Variants in THAP6 observed in about 807,000 individuals in gnomAD.
The protein encoded by THAP6 is THAP domain containing 6.
THAP6 carries 13 observed loss-of-function variants against 20.0 expected under a neutral mutation model. That is an observed-to-expected ratio of 0.65 (90% CI 0.42 to 1.03). The LOEUF (loss-of-function observed/expected upper bound fraction) is 1.03. Among genes scored for constraint, THAP6 ranks in the 50% least tolerant of loss-of-function variants. THAP6 has a pLI of 0.00. For missense variants in THAP6, 262 were observed against 261.6 expected (o/e 1.00, Z -0.01); for synonymous variants, 93 against 92.2 (o/e 1.01, Z -0.05).
At chr4:75,540,451 T>G (rs1444261348) in intron 2 of THAP6, among the ~76,000 whole-genome samples, 2 of 152,228 alleles carry the variant, frequency 1.3e-5, no homozygotes, top group Non-Finnish European at 2.9e-5. Flanking sequence ...ATCCTTGAAC[T>G]CACCTGAGCT....
At position 75,541,607 on chromosome 4, in the gene THAP6, T is replaced by C. The variant is rs555759517; in HGVS notation, c.166-802T>C. ...GATGAAGGGAGGGAGGAAAGGAGAATAAAAAAAGGAAAGAAGGGAGGAAAA... is the reference window on the plus strand; with the variant it reads ...GATGAAGGGAGGGAGGAAAGGAGAACAAAAAAAGGAAAGAAGGGAGGAAAA... On this transcript the variant is annotated intron_variant, in intron 2 of 4. Transcript: ENST00000502620. Among the ~76,000 whole-genome samples, 13 of 150,454 alleles carry C rather than the reference T, an allele frequency of 8.6e-5. No individual in the cohort carries two copies. In the East Asian group the frequency reaches 1.2e-3, roughly 14 times the overall value.
chr4:75,543,084 T>C (rs1727050231), intron 3 of THAP6: 1 of 152,354 alleles, frequency 6.6e-6, no homozygotes, highest in Non-Finnish European at 1.5e-5. Flanking sequence ...CTGGTTTCTC[T>C]CAGCTCTCAG....
rs146466349 is a variant in THAP6, at chr4:75,516,966, C to T, written c.275C>T (p.Pro92Leu). The change falls in exon 3 of 5, where the codon CCA becomes CTA. Residue 92 changes from proline (P) to leucine (L), a missense_variant. Pro to Leu is a moderately conservative substitution (Grantham distance 98, BLOSUM62 -3). Coordinates refer to ENST00000311638, the MANE Select transcript of THAP6 (RefSeq NM_144721.6). ...PGVIPSIFDS[P>L]YHLQGKREKL... is the part of the protein sequence containing the mutation. Reference sequence around the variant, plus strand: ...GTCATACCTTCTATCTTTGATTCTCCATATCACCTACAGGTTTGTTTATGA... The same window carrying T: ...GTCATACCTTCTATCTTTGATTCTCTATATCACCTACAGGTTTGTTTATGA... 2.2e-5 allele frequency: 36 copies of T among 1,608,324 alleles called. No individual in the cohort carries two copies. The African/African-American group carries it at 4.3e-4, about 19-fold the overall frequency.
intron 2 of THAP6, chr4:75,542,302 A>G (rs1727025942): frequency 1.6e-6 from 1 of 615,332 alleles, no homozygotes; most frequent in Admixed American, 2.6e-5. Context: ...TCAGAAAACT[A>G]AAGAACGTGA....
At chr4:75,532,033 C>T (rs948419001), downstream of THAP6, among the ~76,000 whole-genome samples, 6 of 152,168 alleles carry the variant, frequency 3.9e-5, no homozygotes, top group Non-Finnish European at 8.8e-5. Context: ...CCAATCATGC[C>T]TTTCCAACAG....
chr4:75,526,964 A>C lies in THAP6; in HGVS notation c.419A>C (p.His140Pro), dbSNP rs144642753. The C allele has an allele frequency of 1.3e-3, 2,081 of 1,612,324 alleles. 1 individual carries two copies. Among genetic ancestry groups the C allele is most frequent in the Non-Finnish European group, 1.6e-3 (1,859 of 1,178,900 alleles). ...ACTTGGTGTTTATGTTTTTAGGAAC[A>C]TAGCTACAGTGTAATGGACAGTCCA... ...EEFQSQFIFE[H>P]SYSVMDSPKK... The change falls in exon 5 of 5, where the codon CAT becomes CCT. Residue 140 changes from histidine to proline, a missense_variant. His to Pro is a moderately conservative substitution (Grantham distance 77). Transcript: ENST00000311638.
At chr4:75,513,978 AAGAAGGGTT>A, upstream of THAP6, 1 of 587,474 alleles carries the variant, frequency 1.7e-6, no homozygotes, top group Non-Finnish European at 2.8e-6. Context: ...ATCACTTCCC[AAGAAGGGTT>A]TTGCTTTAAA....
rs149347484 is a variant in THAP6 at position 75,521,832 on chromosome 4, A to G, written c.385A>G (p.Ile129Val). 55 of 1,613,390 alleles carry G rather than the reference A, an allele frequency of 3.4e-5. No homozygotes were observed. The highest frequency in any genetic ancestry group is 3.9e-5 in the Non-Finnish European group (46 of 1,179,632). ...NHHLVGASSCIEEFQSQFIFE... is the reference protein window; with the variant it reads ...NHHLVGASSCVEEFQSQFIFE... ...CCATCTTGTTGGTGCTTCCTCATGT[A>G]TTGAAGAATTCCAATCCCAGTTCAT... Residue 129 changes from isoleucine to valine, a missense_variant, in exon 4 of 5, where the codon ATT (isoleucine) becomes GTT (valine). Ile to Val is a conservative substitution (Grantham distance 29, BLOSUM62 3). Coordinates refer to ENST00000311638, the MANE Select transcript of THAP6 (RefSeq NM_144721.6).
Position 75,514,500 on chromosome 4 carries a change from T to C in THAP6, c.-41T>C. The C allele has an allele frequency of 1.9e-6, 1 of 525,056 alleles. No homozygotes were observed. Among genetic ancestry groups the C allele is most frequent in the Middle Eastern group, 5.2e-4 (1 of 1,918 alleles). 32.5% of individuals were successfully genotyped at this position (525,056 alleles called of 1,614,324 possible). On this transcript the variant is annotated 5_prime_UTR_variant, in exon 1 of 5. Transcript: ENST00000311638. ...ACGCAGTCTCCGTCGTTGACGTTAG[T>C]CGCAGTCTTCGCTGCTAACGGTAAT...
chr4:75,541,403 A>G (rs1726997025), intron 2 of THAP6, among the ~76,000 whole-genome samples: 1 of 152,206 alleles, frequency 6.6e-6, no homozygotes, highest in African/African-American at 2.4e-5. Flanking sequence ...TCACTTATAT[A>G]AAATGTTTTG....
At chr4:75,523,094 TC>T (rs1175228473) in intron 4 of THAP6, among the ~76,000 whole-genome samples, 1 of 152,198 alleles carries the variant, frequency 6.6e-6, no homozygotes, top group Non-Finnish European at 1.5e-5. Flanking sequence ...TTTCTCCACA[TC>T]CTTGCCAGCA....
At chr4:75,539,746 C>T (rs1726955135) in intron 2 of THAP6, 1 of 1,449,320 alleles carries the variant, frequency 6.9e-7, no homozygotes, top group Admixed American at 2.2e-5. Flanking sequence ...TAGACAATAG[C>T]ACCTTACCCA....
chr4:75,538,426 G>A (rs1015588642), intron 2 of THAP6, among the ~76,000 whole-genome samples: 5 of 152,018 alleles, frequency 3.3e-5, no homozygotes, highest in African/African-American at 1.2e-4. Flanking sequence ...CATTGGAGTG[G>A]GCCAGGGAAG....
chr4:75,535,337 A>T (rs1726821091), intron 2 of THAP6, among the ~76,000 whole-genome samples: 1 of 152,230 alleles, frequency 6.6e-6, no homozygotes, highest in South Asian at 2.1e-4. Flanking sequence ...GGGCTGCCCC[A>T]TGAAGAGGGC....
At chr4:75,532,121 C>T (rs539224337), downstream of THAP6, among the ~76,000 whole-genome samples, 8 of 152,162 alleles carry the variant, frequency 5.3e-5, no homozygotes, top group Non-Finnish European at 7.3e-5. Context: ...AGGGCAATTC[C>T]CTTCCGCCTA....
intron 2 of THAP6, chr4:75,540,076 C>T: frequency 8.5e-7 from 1 of 1,173,168 alleles, no homozygotes; most frequent in Non-Finnish European, 1.2e-6. Context: ...TTCATCCTCT[C>T]ACTCCAATAC....
intron 3 of THAP6, 131 bp from the exon 4 acceptor site, chr4:75,521,605 T>C: frequency 1.0e-6 from 1 of 1,001,284 alleles, no homozygotes; most frequent in Non-Finnish European, 1.4e-6. Flanking sequence ...TGGAATTTGC[T>C]GACTTTTAAA....
intron 4 of THAP6, 135 bp downstream of exon 4, chr4:75,521,996 A>G (rs1726065136): frequency 9.3e-7 from 1 of 1,075,076 alleles, no homozygotes; most frequent in East Asian, 2.5e-5. Context: ...ATTGCTTCCT[A>G]GAGTCATTGT....
At chr4:75,513,934 TAAGCCCACTGGCA>T, upstream of THAP6, 1 of 333,094 alleles carries the variant, frequency 3.0e-6, no homozygotes, top group African/African-American at 2.1e-5. Context: ...AAAAGACGAA[TAAGCCCACTGGCA>T]GAGACCACTG....
Sources: gnomAD v4.1 joint callset for allele counts (sites outside exome capture counted in the v4.1 genomes callset) on GRCh38, gnomAD v4.1.1 for gene constraint, MANE v1.5 for transcripts, NCBI Gene and HGNC (gene_info 2026-07-23, HGNC 2026-07-21) for gene names.